The following GABRA3 variants were observed in gnomAD, a reference collection of about 807,000 sequenced individuals.
The protein encoded by GABRA3 is gamma-aminobutyric acid type A receptor subunit alpha3, also known as gamma-aminobutyric acid receptor subunit alpha-3.
In GABRA3, 10 loss-of-function variants were observed where a neutral mutation model predicts 30.1. The ratio of observed to expected loss-of-function variants is 0.33; its 90% CI spans 0.20 to 0.56. The LOEUF is 0.56. GABRA3 is among the 20% of genes least tolerant of loss of function. GABRA3 has a pLI of 0.89. For synonymous variants in GABRA3, 151 were observed against 146.8 expected (o/e 1.03, Z -0.21); for missense variants, 233 against 392.0 (o/e 0.59, Z 3.42).
At chrX:152,188,101 G>T (rs1937279161) in intron 9 of GABRA3, among the ~76,000 whole-genome samples, 1 of 111,151 alleles carries the variant, frequency 9.0e-6, no homozygotes, top group Non-Finnish European at 1.9e-5. Context: ...GGGGAAGAAG[G>T]AGGGAGAGGA....
chrX:152,279,776 T>C (rs1939163844), intron 4 of GABRA3, among the ~76,000 whole-genome samples: 1 of 111,676 alleles, frequency 9.0e-6, no homozygotes, highest in Admixed American at 9.5e-5. Context: ...TTGTATCCTC[T>C]TTTATTTCAT....
chrX:152,261,209 G>C (rs1938723269), intron 4 of GABRA3, among the ~76,000 whole-genome samples: 1 of 110,977 alleles, frequency 9.0e-6, no homozygotes, highest in Non-Finnish European at 1.9e-5. Context: ...GGGATTAGGG[G>C]AACTAAAATT....
At chrX:152,230,516 A>G (rs1051000455) in intron 5 of GABRA3, among the ~76,000 whole-genome samples, 1 of 111,188 alleles carries the variant, frequency 9.0e-6, no homozygotes, top group African/African-American at 3.3e-5. Flanking sequence ...GATCTAGAAT[A>G]GCCAAAGCAT....
chrX:152,235,901 C>G (rs5970235), intron 5 of GABRA3, among the ~76,000 whole-genome samples: 4,948 of 104,884 alleles, frequency 0.047, 303 homozygotes, highest in African/African-American at 0.16. Context: ...ATAGTGAAAG[C>G]AATCTTAAGC....
intron 9 of GABRA3, among the ~76,000 whole-genome samples, chrX:152,172,907 C>T (rs111446882): frequency 1.8e-3 from 203 of 109,836 alleles, no homozygotes; most frequent in African/African-American, 6.2e-3. Flanking sequence ...GACTGAATTA[C>T]ACAATTCAAA....
intron 5 of GABRA3, among the ~76,000 whole-genome samples, chrX:152,225,166 C>G (rs1390611532): frequency 2.7e-5 from 3 of 110,118 alleles, no homozygotes; most frequent in African/African-American, 9.9e-5. Context: ...CAGGTTCTGA[C>G]TCATTCACTT....
chrX:152,208,212 C>T, intron 6 of GABRA3, 68 bp from the exon 7 acceptor site: 1 of 1,083,952 alleles, frequency 9.2e-7, no homozygotes, highest in Non-Finnish European at 1.3e-6. Flanking sequence ...TGATACTAAA[C>T]TCAAATGAGA....
chrX:152,335,892 T>G (rs1005568828), intron 3 of GABRA3, among the ~76,000 whole-genome samples: 1 of 110,949 alleles, frequency 9.0e-6, no homozygotes, highest in Admixed American at 9.6e-5. Flanking sequence ...GCTAATCTTT[T>G]TATTGTTTTG....
At chrX:152,200,985 T>C (rs1305143915) in intron 7 of GABRA3, among the ~76,000 whole-genome samples, 1 of 112,217 alleles carries the variant, frequency 8.9e-6, no homozygotes, top group Non-Finnish European at 1.9e-5. Flanking sequence ...AAGATTTCCC[T>C]GGTTTCTGTC....
intron 5 of GABRA3, among the ~76,000 whole-genome samples, chrX:152,237,980 T>C (rs1437016669): frequency 1.8e-5 from 2 of 110,395 alleles, no homozygotes; most frequent in East Asian, 5.8e-4. Flanking sequence ...TGAATACCCT[T>C]TATTTCCTTC....
At position 152,217,340 on chromosome X, in the gene GABRA3, G is replaced by A. The variant is rs185247124; in HGVS notation, c.634+7423C>T. Among the ~76,000 whole-genome samples the A allele has an allele frequency of 4.0e-3, 450 of 111,271 alleles. 4 individuals carry two copies. The highest frequency in any genetic ancestry group is 0.014 in the African/African-American group (422 of 30,830). ...TCCATTTTATAAGTTGCTTGAATCC[G>A]TTGCTAGAGTTTCACTGAAGATTTT... On this transcript the variant is annotated intron_variant, in intron 6 of 9. Coordinates refer to ENST00000370314, the MANE Select transcript of GABRA3 (RefSeq NM_000808.4).
chrX:152,442,474 A>G (rs1930958540), intron 1 of GABRA3, among the ~76,000 whole-genome samples: 1 of 111,251 alleles, frequency 9.0e-6, no homozygotes, highest in Non-Finnish European at 1.9e-5. Flanking sequence ...AGTTAAAATC[A>G]TAAATACTAA....
At chrX:152,433,603 T>C (rs934878427) in intron 1 of GABRA3, among the ~76,000 whole-genome samples, 5 of 108,159 alleles carry the variant, frequency 4.6e-5, no homozygotes, top group African/African-American at 1.3e-4. Context: ...AAATTCCACT[T>C]TAAGACACAT....
At chrX:152,324,272 TATCA>T (rs1299552690) in intron 3 of GABRA3, among the ~76,000 whole-genome samples, 1 of 112,300 alleles carries the variant, frequency 8.9e-6, no homozygotes, top group East Asian at 2.8e-4. Context: ...CTAATATCAA[TATCA>T]ATCAGCAGTA....
chrX:152,298,531 A>G (rs1430193738), intron 3 of GABRA3, among the ~76,000 whole-genome samples: 2 of 110,116 alleles, frequency 1.8e-5, no homozygotes, highest in South Asian at 8.0e-4. Flanking sequence ...AGCTTCATCC[A>G]TGTCCCTACA....
At chrX:152,200,022 G>T (rs752687815) in intron 7 of GABRA3, among the ~76,000 whole-genome samples, 1 of 111,761 alleles carries the variant, frequency 8.9e-6, no homozygotes, top group South Asian at 3.8e-4. Flanking sequence ...TCCTTGCTCT[G>T]TCCTTGACTC....
At chrX:152,252,141 C>A (rs978853117) in intron 5 of GABRA3, among the ~76,000 whole-genome samples, 1 of 111,044 alleles carries the variant, frequency 9.0e-6, no homozygotes, top group Non-Finnish European at 1.9e-5. Context: ...ATACCTCCCT[C>A]CCTTTCATTT....
At chrX:152,376,162 T>C (rs1007433134) in intron 1 of GABRA3, among the ~76,000 whole-genome samples, 37 of 111,966 alleles carry the variant, frequency 3.3e-4, no homozygotes, top group African/African-American at 1.1e-3. Flanking sequence ...GAAGTACAAA[T>C]AATGCAGCTC....
chrX:152,235,294 T>A, intron 5 of GABRA3, among the ~76,000 whole-genome samples: 1 of 111,913 alleles, frequency 8.9e-6, no homozygotes, highest in Middle Eastern at 4.6e-3. Flanking sequence ...TGCTATTGAT[T>A]TTTATATGTG....
Sources: allele counts gnomAD v4.1 joint callset (sites outside exome capture counted in the v4.1 genomes callset), GRCh38; gene constraint gnomAD v4.1.1; transcripts MANE v1.5; gene names NCBI Gene and HGNC (gene_info 2026-07-23, HGNC 2026-07-21).